The following GABRB1 variants were observed in gnomAD, a reference collection of about 807,000 sequenced individuals.
GABRB1 encodes gamma-aminobutyric acid type A receptor subunit beta1, also known as gamma-aminobutyric acid receptor subunit beta-1.
GABRB1 carries 17 observed loss-of-function variants against 51.6 expected under a neutral mutation model. The observed-to-expected ratio is 0.33, with a 90% CI of 0.23 to 0.49. The LOEUF is 0.49. Ranked by LOEUF, GABRB1 falls within the 20% of genes least tolerant of loss-of-function variation. The pLI, the probability that GABRB1 is intolerant of heterozygous loss-of-function variation, is 0.99. For missense variants in GABRB1, 410 were observed against 600.6 expected (o/e 0.68, Z 3.32); for synonymous variants, 247 against 218.9 (o/e 1.13, Z -1.14).
intron 1 of GABRB1, among the ~76,000 whole-genome samples, chr4:47,018,574 C>T (rs973723348): frequency 1.3e-5 from 2 of 152,050 alleles, no homozygotes; most frequent in Non-Finnish European, 2.9e-5. Context: ...TACTCAAGAA[C>T]GTTACTAATA....
chr4:47,008,850 T>C (rs1385401961), intron 1 of GABRB1, among the ~76,000 whole-genome samples: 2 of 104,442 alleles, frequency 1.9e-5, no homozygotes, highest in African/African-American at 7.6e-5. Context: ...TATCAGATAC[T>C]ACCTTTTTTT....
chr4:47,115,360 T>C lies in GABRB1; in HGVS notation c.241-45889T>C, dbSNP rs1047604298. On this transcript the variant is annotated intron_variant, in intron 3 of 8. Coordinates refer to ENST00000295454, the MANE Select transcript of GABRB1 (RefSeq NM_000812.4). ...TAACTTTGATAATATTTGTCTGATATTTTCACTTATTCTATCTTGTACCAC... is the reference window on the plus strand; with the variant it reads ...TAACTTTGATAATATTTGTCTGATACTTTCACTTATTCTATCTTGTACCAC... Among the ~76,000 whole-genome samples the C allele has an allele frequency of 4.6e-5, 7 of 152,276 alleles. No individual in the cohort carries two copies. The East Asian group carries it at 9.6e-4, about 21-fold the overall frequency.
chr4:47,162,461 A>T (rs1718002948), intron 4 of GABRB1, among the ~76,000 whole-genome samples: 1 of 151,820 alleles, frequency 6.6e-6, no homozygotes, highest in African/African-American at 2.4e-5. Context: ...GAGCAACTAG[A>T]TTTTTTTTGC....
intron 3 of GABRB1, among the ~76,000 whole-genome samples, chr4:47,044,900 T>C (rs1726020144): frequency 6.6e-6 from 1 of 152,086 alleles, no homozygotes; most frequent in Admixed American, 6.6e-5. Context: ...TTTCTTACTC[T>C]GAGAAGGAGC....
At chr4:47,076,173 A>T (rs1173617996) in intron 3 of GABRB1, among the ~76,000 whole-genome samples, 1 of 152,186 alleles carries the variant, frequency 6.6e-6, no homozygotes, top group Admixed American at 6.5e-5. Flanking sequence ...AGCATTGGCT[A>T]GGACCCTGAC....
chr4:47,410,496 G>A (rs988206614), intron 8 of GABRB1, among the ~76,000 whole-genome samples: 1 of 152,174 alleles, frequency 6.6e-6, no homozygotes, highest in African/African-American at 2.4e-5. Flanking sequence ...ATGTGGGGCA[G>A]CAAAACTTCA....
chr4:47,410,048 AT>A (rs1488711858), intron 8 of GABRB1, among the ~76,000 whole-genome samples: 1 of 152,188 alleles, frequency 6.6e-6, no homozygotes, highest in African/African-American at 2.4e-5. Flanking sequence ...GTAAGAATTC[AT>A]TGTCTCTCGA....
At chr4:47,289,543 T>C (rs911559367) in intron 4 of GABRB1, among the ~76,000 whole-genome samples, 5 of 152,234 alleles carry the variant, frequency 3.3e-5, no homozygotes, top group Non-Finnish European at 5.9e-5. Flanking sequence ...AATTTCTTTT[T>C]CTATTTGGTA....
chr4:47,087,250 G>A lies in GABRB1; in HGVS notation c.240+54766G>A, dbSNP rs112605879. On this transcript the variant is annotated intron_variant, in intron 3 of 8. Transcript: ENST00000295454. ...ATTAGGCTCAGCTAGGACTCCAGGC[G>A]TATGATACAATAAAATACGGTAGCA... Among the ~76,000 whole-genome samples the A allele has an allele frequency of 3.8e-4, 57 of 151,150 alleles. 1 individual carries two copies. Among genetic ancestry groups the A allele is most frequent in the African/African-American group, 1.1e-3 (46 of 41,092 alleles).
chr4:47,040,048 C>G (rs963558209), intron 3 of GABRB1, among the ~76,000 whole-genome samples: 24 of 152,140 alleles, frequency 1.6e-4, no homozygotes, highest in African/African-American at 5.3e-4. Context: ...GGAATATTTA[C>G]TGTCTTTTAT....
chr4:47,014,488 A>T (rs1010608758), intron 1 of GABRB1, among the ~76,000 whole-genome samples: 1 of 152,030 alleles, frequency 6.6e-6, no homozygotes, highest in African/African-American at 2.4e-5. Context: ...CACTTTTACA[A>T]TATTTCTGAT....
intron 3 of GABRB1, among the ~76,000 whole-genome samples, chr4:47,157,186 TTCTC>T (rs144483295): frequency 0.089 from 13,480 of 152,054 alleles, 739 homozygotes; most frequent in South Asian, 0.2. Flanking sequence ...ATGTCACACT[TTCTC>T]TCAAGAAATA....
chr4:47,390,349 G>T (rs1296943767), intron 5 of GABRB1, among the ~76,000 whole-genome samples: 1 of 152,236 alleles, frequency 6.6e-6, no homozygotes, highest in Non-Finnish European at 1.5e-5. Flanking sequence ...TGGATTAGAA[G>T]CTTAAATGTC....
chr4:47,345,524 A>G (rs752529557), intron 5 of GABRB1, among the ~76,000 whole-genome samples: 4 of 152,188 alleles, frequency 2.6e-5, no homozygotes, highest in Non-Finnish European at 4.4e-5. Context: ...GAAAACATCA[A>G]GTTGAAGACC....
intron 3 of GABRB1, chr4:47,032,858 C>G: frequency 2.4e-6 from 1 of 412,256 alleles, no homozygotes; most frequent in South Asian, 1.9e-5. Flanking sequence ...GACCGGTGGT[C>G]GGCAGCCATC....
chr4:47,074,644 C>T (rs1024585803), intron 3 of GABRB1, among the ~76,000 whole-genome samples: 4 of 152,068 alleles, frequency 2.6e-5, no homozygotes, highest in African/African-American at 9.7e-5. Context: ...ATGACTAGGA[C>T]ATGCACAACA....
At chr4:47,218,065 C>T (rs1299195358) in intron 4 of GABRB1, among the ~76,000 whole-genome samples, 1 of 151,842 alleles carries the variant, frequency 6.6e-6, no homozygotes, top group Non-Finnish European at 1.5e-5. Context: ...TTAGCTCTCA[C>T]ATATGAGTGA....
intron 5 of GABRB1, among the ~76,000 whole-genome samples, chr4:47,358,771 G>A (rs1490996304): frequency 6.6e-6 from 1 of 152,138 alleles, no homozygotes; most frequent in Non-Finnish European, 1.5e-5. Context: ...GCCCATAACA[G>A]TAGTAATTTC....
chr4:47,344,612 T>C (rs1325082108), intron 5 of GABRB1, among the ~76,000 whole-genome samples: 1 of 152,188 alleles, frequency 6.6e-6, no homozygotes, highest in Non-Finnish European at 1.5e-5. Flanking sequence ...GCGCTATAAC[T>C]CATGCTTGGA....
Sources: allele counts gnomAD v4.1 joint callset (sites outside exome capture counted in the v4.1 genomes callset), GRCh38; gene constraint gnomAD v4.1.1; transcripts MANE v1.5; gene names NCBI Gene and HGNC (gene_info 2026-07-23, HGNC 2026-07-21).